The following METAP2 variants were observed in gnomAD, a reference collection of about 807,000 sequenced individuals.
METAP2 encodes methionine aminopeptidase 2.
METAP2 carries 25 observed loss-of-function variants against 59.4 expected under a neutral mutation model. The observed-to-expected ratio is 0.42, with a 90% confidence interval of 0.31 to 0.59. METAP2 has a LOEUF of 0.59. Ranked by LOEUF, METAP2 falls within the 20% of genes least tolerant of loss-of-function variation. The pLI, the probability that METAP2 is intolerant of heterozygous loss-of-function variation, is 0.16. For missense variants in METAP2, 366 were observed against 581.2 expected (o/e 0.63, Z 3.81); for synonymous variants, 214 against 194.1 (o/e 1.10, Z -0.85).
chr12:95,482,808 G>C (rs781740194), intron 2 of METAP2, among the ~76,000 whole-genome samples: 2 of 152,004 alleles, frequency 1.3e-5, no homozygotes, highest in African/African-American at 2.4e-5. Flanking sequence ...AGAAAGAAAA[G>C]AAGTGGCAAT....
At position 95,488,511 on chromosome 12, in the gene METAP2, C is replaced by CAAAAAAAAAA. The variant is rs537119415; in HGVS notation, c.428+2549_428+2558dup. 3.8e-4 allele frequency among the ~76,000 whole-genome samples: 29 copies of CAAAAAAAAAA among 76,556 alleles called. 2 individuals are homozygous for CAAAAAAAAAA. Among genetic ancestry groups the CAAAAAAAAAA allele is most frequent in the African/African-American group, 1.4e-3 (27 of 19,892 alleles). 50.2% of individuals were successfully genotyped at this position (76,556 alleles called of 152,430 possible). On this transcript the variant is annotated intron_variant, in intron 4 of 10. Transcript: ENST00000323666. ...GTGACAGAGCGAGACTTTGTCTCAC[C>CAAAAAAAAAA]AAAAAAAAAAAAAAAAAAAAAAAAA...
chr12:95,483,237 A>G lies in METAP2; in HGVS notation c.282A>G (p.Gly94=). The G allele has an allele frequency of 1.2e-6, 2 of 1,613,110 alleles. No individual in the cohort carries two copies. The highest frequency in any genetic ancestry group is 1.3e-5 in the African/African-American group (1 of 74,994). The stretch of plus-strand genomic sequence containing the variant: ...TAGATGGAGATGGCGATGGAGATGG[A>G]GCAACTGGAAAGAAGAAGAAAAAGA... ...DDEDGDGDGD[G]ATGKKKKKKK... is the part of the protein sequence containing the mutation. Residue 94 remains glycine, a synonymous_variant, in exon 3 of 11, where the codon GGA becomes GGG. Coordinates refer to ENST00000323666, the MANE Select transcript of METAP2 (RefSeq NM_006838.4).
intron 4 of METAP2, among the ~76,000 whole-genome samples, chr12:95,488,143 G>T (rs1337434906): frequency 6.6e-6 from 1 of 151,950 alleles, no homozygotes; most frequent in East Asian, 1.9e-4. Flanking sequence ...TAGGCTTTAT[G>T]ATATCTTTTG....
Position 95,511,389 on chromosome 12 carries a change from G to GTTTTTTTTT in METAP2, c.965-490_965-482dup, listed in dbSNP as rs11301070. ...TTCTTCCATCCTCCCTTCTAGCACC[G>GTTTTTTTTT]TTTTTTTTTTTTTTTTTTTTTTTTG... On this transcript the variant is annotated intron_variant, in intron 8 of 10. Coordinates refer to ENST00000323666, the MANE Select transcript of METAP2 (RefSeq NM_006838.4). 2.1e-4 allele frequency among the ~76,000 whole-genome samples: 13 copies of GTTTTTTTTT among 61,128 alleles called. 1 individual carries two copies. Among genetic ancestry groups the GTTTTTTTTT allele is most frequent in the East Asian group, 1.1e-3 (2 of 1,752 alleles). 40.1% of individuals were successfully genotyped at this position (61,128 alleles called of 152,430 possible).
chr12:95,506,805 T>TATTTATTTATTTATTC (rs2076364304), intron 8 of METAP2, among the ~76,000 whole-genome samples: 1 of 151,270 alleles, frequency 6.6e-6, no homozygotes, highest in African/African-American at 2.4e-5. Flanking sequence ...CTTATTTATT[T>TATTTATTTATTTATTC]ATTTATTTAT....
intron 7 of METAP2, among the ~76,000 whole-genome samples, chr12:95,503,659 C>A (rs377436706): frequency 2.0e-5 from 3 of 152,152 alleles, no homozygotes; most frequent in Non-Finnish European, 4.4e-5. Flanking sequence ...TCCCATACCC[C>A]CAAGCTGTGT....
chr12:95,501,394 A>G (rs2076314447), intron 7 of METAP2, among the ~76,000 whole-genome samples: 1 of 152,202 alleles, frequency 6.6e-6, no homozygotes, highest in African/African-American at 2.4e-5. Context: ...ATTATAAACC[A>G]AAGTTAATAA....
At chr12:95,481,734 A>G (rs1565775138) in intron 2 of METAP2, among the ~76,000 whole-genome samples, 1 of 152,232 alleles carries the variant, frequency 6.6e-6, no homozygotes, top group Non-Finnish European at 1.5e-5. Flanking sequence ...AACTTGCCCA[A>G]GGTCACCCAG....
At position 95,494,146 on chromosome 12, in the gene METAP2, A is replaced by G; in HGVS notation, c.519A>G (p.Ala173=). 1 of 1,614,124 alleles carries G rather than the reference A, an allele frequency of 6.2e-7. No individual in the cohort carries two copies. Among genetic ancestry groups the G allele is most frequent in the Non-Finnish European group, 8.5e-7 (1 of 1,179,982 alleles). The stretch of plus-strand genomic sequence containing the variant: ...TTTGGAATGATTTTCGAGAAGCTGC[A>G]GAAGCACATCGACAAGTTAGAAAAT... ...EEIWNDFREA[A]EAHRQVRKYV... The change falls in exon 5 of 11, where the codon GCA becomes GCG. Residue 173 remains alanine (A), a synonymous_variant. Coordinates refer to ENST00000323666, the MANE Select transcript of METAP2 (RefSeq NM_006838.4).
At chr12:95,487,591 A>ATTT (rs5800209) in intron 4 of METAP2, among the ~76,000 whole-genome samples, 2 of 141,372 alleles carry the variant, frequency 1.4e-5, no homozygotes, top group Non-Finnish European at 3.1e-5. Context: ...TAATCTCTTA[A>ATTT]TTTTTTTTTT....
Position 95,474,222 on chromosome 12 carries a change from A to G in METAP2, c.43A>G (p.Asn15Asp). 6.2e-7 allele frequency: 1 copy of G among 1,614,184 alleles called. No homozygotes were observed. Among genetic ancestry groups the G allele is most frequent in the Non-Finnish European group, 8.5e-7 (1 of 1,180,024 alleles). ...EEVAASGSHL[N>D]GDLDPDDREE... ...GGTAGCGGCCTCCGGGAGCCACCTG[A>G]ATGGCGACCTGGATCCAGACGACAG... is the stretch of plus-strand genomic sequence containing the variant. Residue 15 changes from asparagine to aspartate, a missense_variant, in exon 1 of 11, where the codon AAT becomes GAT. This residue lies in a region of METAP2 where 177 missense variants were observed against 180.3 expected (regional missense o/e 0.98). Coordinates refer to ENST00000323666, the MANE Select transcript of METAP2 (RefSeq NM_006838.4).
chr12:95,481,121 T>C (rs1242073158), intron 2 of METAP2, among the ~76,000 whole-genome samples: 1 of 152,198 alleles, frequency 6.6e-6, no homozygotes, highest in African/African-American at 2.4e-5. Context: ...GGCATAGTAG[T>C]AACACAAATA....
chr12:95,513,589 T>A (rs1444549789), intron 10 of METAP2, 63 bp from the exon 11 acceptor site: 1 of 1,551,258 alleles, frequency 6.4e-7, no homozygotes, highest in Non-Finnish European at 8.7e-7. Flanking sequence ...GGGCTTTTCT[T>A]AATGAGGGAA....
At chr12:95,474,372 G>T (rs772986462) in intron 1 of METAP2, 42 bp downstream of exon 1, 1 of 1,604,074 alleles carries the variant, frequency 6.2e-7, no homozygotes, top group South Asian at 1.1e-5. Flanking sequence ...TCCGGGAACG[G>T]CTGAACTGTT....
intron 1 of METAP2, among the ~76,000 whole-genome samples, chr12:95,475,514 C>T: frequency 6.6e-6 from 1 of 152,204 alleles, no homozygotes; most frequent in East Asian, 1.9e-4. Flanking sequence ...CTACCTGATA[C>T]TATTAATGCA....
intron 8 of METAP2, among the ~76,000 whole-genome samples, chr12:95,509,626 A>C (rs1243008306): frequency 6.6e-6 from 1 of 152,112 alleles, no homozygotes; most frequent in Non-Finnish European, 1.5e-5. Context: ...CCCTCTCTTC[A>C]TGGCTTTCCC....
chr12:95,475,116 C>T (rs923336099), intron 1 of METAP2, among the ~76,000 whole-genome samples: 2 of 152,224 alleles, frequency 1.3e-5, no homozygotes, highest in Non-Finnish European at 2.9e-5. Flanking sequence ...TAGGAACTTA[C>T]ATATTTTGAG....
At chr12:95,484,596 C>T (rs912772604) in intron 3 of METAP2, among the ~76,000 whole-genome samples, 3 of 151,866 alleles carry the variant, frequency 2.0e-5, no homozygotes, top group African/African-American at 7.3e-5. Flanking sequence ...TTTATATTTG[C>T]CCTTGACAGA....
chr12:95,482,228 C>T (rs1442641873), intron 2 of METAP2: 1 of 439,886 alleles, frequency 2.3e-6, no homozygotes. Context: ...TCCCACATCT[C>T]AGCTTTCCAA....
Sources: gnomAD v4.1 joint callset for allele counts (sites outside exome capture counted in the v4.1 genomes callset) on GRCh38, gnomAD v4.1.1 for gene constraint, gnomAD v4.1.1 regional missense constraint, MANE v1.5 for transcripts, NCBI Gene and HGNC (gene_info 2026-07-23, HGNC 2026-07-21) for gene names.